Variants in NOX5 observed in about 807,000 individuals in gnomAD.
NOX5 encodes the protein NADPH oxidase 5.
Under a neutral mutation model 85.7 loss-of-function variants are expected in NOX5, and 76 were observed. The observed-to-expected ratio is 0.89, with a 90% CI of 0.74 to 1.07. NOX5 has a LOEUF of 1.07. Ranked by LOEUF, NOX5 falls within the 50% of genes least tolerant of loss-of-function variation. The pLI is 0.00. For synonymous variants in NOX5, 405 were observed against 401.4 expected, an observed-to-expected ratio of 1.01 and a Z score of -0.11; for missense variants, 973 against 999.5, an observed-to-expected ratio of 0.97 and a Z score of 0.36.
chr15:69,034,052 T>G (rs1161436050), intron 5 of NOX5, among the ~76,000 whole-genome samples: 1 of 152,188 alleles, frequency 6.6e-6, no homozygotes, highest in African/African-American at 2.4e-5. Flanking sequence ...CTTATGCTTA[T>G]ATGCATGCTC....
At chr15:69,025,511 G>C (rs2050346559) in intron 1 of NOX5, among the ~76,000 whole-genome samples, 1 of 152,164 alleles carries the variant, frequency 6.6e-6, no homozygotes, top group Non-Finnish European at 1.5e-5. Flanking sequence ...AAGCCATTGG[G>C]TGACTCAGTT....
chr15:69,035,959 G>C, intron 7 of NOX5, 23 bp downstream of exon 7: 1 of 1,613,198 alleles, frequency 6.2e-7, no homozygotes. Flanking sequence ...CTGCCCTTTT[G>C]CTTCCCCCAA....
chr15:69,036,765 G>T (rs1017738270), intron 7 of NOX5, among the ~76,000 whole-genome samples: 1 of 152,156 alleles, frequency 6.6e-6, no homozygotes. Flanking sequence ...CCCTGTGGGG[G>T]CAGTCCACTC....
At chr15:69,017,839 A>G (rs1413036934) in intron 1 of NOX5, among the ~76,000 whole-genome samples, 2 of 152,118 alleles carry the variant, frequency 1.3e-5, no homozygotes, top group African/African-American at 2.4e-5. Flanking sequence ...CATAAGACAC[A>G]TGCCTATAAA....
chr15:69,051,089 C>T (rs1242174474), intron 14 of NOX5, among the ~76,000 whole-genome samples: 2 of 152,196 alleles, frequency 1.3e-5, no homozygotes, highest in Non-Finnish European at 2.9e-5. Flanking sequence ...TCCTTCTCTC[C>T]TTCTCACCTT....
chr15:69,048,133 T>C (rs894335449), intron 13 of NOX5, among the ~76,000 whole-genome samples: 2 of 152,278 alleles, frequency 1.3e-5, no homozygotes, highest in Admixed American at 6.5e-5. Context: ...TTCTGAGAGA[T>C]GTTCTTAACA....
rs949600666 is a variant in NOX5 at position 69,058,965 on chromosome 15, GCA to G, written c.*2280_*2281del. The G allele has an allele frequency of 3.8e-3, 575 of 152,220 alleles. 3 individuals are homozygous for G. The highest frequency in any genetic ancestry group is 0.013 in the African/African-American group (554 of 41,486). 9.4% of individuals were successfully genotyped at this position (152,220 alleles called of 1,614,324 possible). On this transcript the variant is annotated 3_prime_UTR_variant, in exon 16 of 16. Coordinates refer to ENST00000388866, the MANE Select transcript of NOX5 (RefSeq NM_024505.4). ...AGGATGTCTCACACATGCACTCAATGCACACACACACATGCATGTCACCGTTT... is the reference window on the plus strand; with the variant it reads ...AGGATGTCTCACACATGCACTCAATGCACACACACATGCATGTCACCGTTT...
intron 15 of NOX5, 116 bp downstream of exon 15, chr15:69,055,616 G>A: frequency 8.8e-7 from 1 of 1,136,868 alleles, no homozygotes; most frequent in South Asian, 1.5e-5. Flanking sequence ...TAAGTCCAGA[G>A]TCCAGAAGGG....
rs1273786574 is a variant in NOX5, at chr15:69,062,614, T to A, written c.*5918T>A. 2 of 152,238 alleles carry A rather than the reference T, an allele frequency of 1.3e-5. No homozygotes were observed. The allele number at this position is 152,238 out of a possible 1,614,324, so 9.4% of individuals were successfully genotyped here. A position where few individuals can be genotyped will look rare whatever the true frequency, so the allele number is the denominator to read the frequency against. On this transcript the variant is annotated 3_prime_UTR_variant, in exon 16 of 16. Transcript: ENST00000388866. ...GTGCAGCTTCGCACCTCCAAGCCTT[T>A]GCTTCTGCATCGCCTGACACTTGGA...
chr15:69,034,771 T>A (rs311890), intron 5 of NOX5, among the ~76,000 whole-genome samples: 152,149 of 152,294 alleles, frequency 1, 76,002 homozygotes, highest in Middle Eastern at 1. Context: ...ATTTGAGACA[T>A]GGTCTTTGTC....
At chr15:69,031,928 TC>T in intron 4 of NOX5, 116 bp downstream of exon 4, 1 of 1,079,734 alleles carries the variant, frequency 9.3e-7, no homozygotes, top group Non-Finnish European at 1.3e-6. Flanking sequence ...GCCCCGCCCC[TC>T]CCCAGTTTAG....
At chr15:69,019,729 G>A (rs187607901) in intron 1 of NOX5, among the ~76,000 whole-genome samples, 2 of 152,314 alleles carry the variant, frequency 1.3e-5, no homozygotes, top group African/African-American at 2.4e-5. Flanking sequence ...TAGCTGTTTT[G>A]AATGGCAATC....
chr15:69,024,681 A>G (rs1187730550), intron 1 of NOX5, among the ~76,000 whole-genome samples: 2 of 152,148 alleles, frequency 1.3e-5, no homozygotes, highest in Non-Finnish European at 2.9e-5. Context: ...CTAATTTACA[A>G]ATTAAACTTT....
chr15:69,027,858 G>A (rs2050377745), intron 2 of NOX5, among the ~76,000 whole-genome samples: 2 of 152,168 alleles, frequency 1.3e-5, no homozygotes, highest in Admixed American at 6.5e-5. Flanking sequence ...GAGCCTGCAG[G>A]AGGACCCTCT....
intron 5 of NOX5, among the ~76,000 whole-genome samples, chr15:69,033,701 C>CTTTTTTTTTTTTTTT (rs570603838): frequency 2.5e-5 from 3 of 119,288 alleles, no homozygotes; most frequent in African/African-American, 6.5e-5. Flanking sequence ...TCTTTTTTTT[C>CTTTTTTTTTTTTTTT]TTTTTTTTTT....
Position 69,057,640 on chromosome 15 carries a change from C to G in NOX5, c.*944C>G, listed in dbSNP as rs571846818. The G allele has an allele frequency of 6.6e-6, 1 of 152,330 alleles. No homozygotes were observed. The highest frequency in any genetic ancestry group is 2.4e-5 in the African/African-American group (1 of 41,550). 9.4% of individuals were successfully genotyped at this position (152,330 alleles called of 1,614,324 possible). On this transcript the variant is annotated 3_prime_UTR_variant, in exon 16 of 16. Transcript: ENST00000388866. ...GTGCCTGGGGATGAAGCGGGCTAAG[C>G]CTGGAAGCTCAGCTCAGCCACACTC...
At chr15:69,018,099 T>C (rs1222527956) in intron 1 of NOX5, among the ~76,000 whole-genome samples, 1 of 152,012 alleles carries the variant, frequency 6.6e-6, no homozygotes, top group Non-Finnish European at 1.5e-5. Flanking sequence ...GGGCGGTCCA[T>C]GGACCGGACC....
rs2050363912 is a variant in NOX5 at position 69,026,777 on chromosome 15, CTGGCGGGATGTTTA to C, written c.174+131_174+144del. The C allele has an allele frequency of 1.6e-5, 21 of 1,315,808 alleles. No individual in the cohort carries two copies. In the South Asian group the frequency reaches 2.7e-4, roughly 17 times the overall value. The allele number at this position is 1,315,808 out of a possible 1,614,324, so 81.5% of individuals were successfully genotyped here. ...CCTGAGGTCTCCACCTTGTAGCGGGCTGGCGGGATGTTTATGGCACCCTCCCATTCCTCTTAATA... is the reference window on the plus strand; with the variant it reads ...CCTGAGGTCTCCACCTTGTAGCGGGCTGGCACCCTCCCATTCCTCTTAATA... On this transcript the variant is annotated intron_variant, in intron 2 of 15. Transcript: ENST00000388866.
In NOX5 at chr15:69,035,795, C is replaced by T. The variant is rs758110428; in HGVS notation, c.1047C>T (p.Phe349=). 1 of 1,614,080 alleles carries T rather than the reference C, an allele frequency of 6.2e-7. No individual in the cohort carries two copies. Among genetic ancestry groups the T allele is most frequent in the Admixed American group, 1.7e-5 (1 of 60,006 alleles). Residue 349 remains phenylalanine (F), a synonymous_variant, in exon 7 of 16, where the codon TTC becomes TTT. Transcript: ENST00000388866. ...AGGCGGAGGCCAGCCCTTTCCAGTT[C>T]TGGGAGCTGCTGCTCACCACGAGGC... ...QAQAEASPFQ[F]WELLLTTRPG...
Sources: allele counts gnomAD v4.1 joint callset (sites outside exome capture counted in the v4.1 genomes callset), GRCh38; gene constraint gnomAD v4.1.1; transcripts MANE v1.5; gene names NCBI Gene and HGNC (gene_info 2026-07-23, HGNC 2026-07-21).